The following PDZD2 variants were observed in gnomAD, a reference collection of about 807,000 sequenced individuals.
The protein encoded by PDZD2 is PDZ domain-containing protein 2.
Under a neutral mutation model 220.7 loss-of-function variants are expected in PDZD2, and 90 were observed. The ratio of observed to expected loss-of-function variants is 0.41; its 90% CI spans 0.34 to 0.49. PDZD2 has a LOEUF of 0.49. Ranked by LOEUF, PDZD2 falls within the 20% of genes least tolerant of loss-of-function variation. The pLI is 0.28. For missense variants in PDZD2, 3,174 were observed against 3,608.5 expected (o/e 0.88, Z 3.08); for synonymous variants, 1,375 against 1,450.5 (o/e 0.95, Z 1.18).
At chr5:31,849,950 A>ACACACACG (rs1757872249) in intron 2 of PDZD2, among the ~76,000 whole-genome samples, 1 of 24,088 alleles carries the variant, frequency 4.2e-5, no homozygotes, top group Non-Finnish European at 6.4e-5. Flanking sequence ...ATATATATAC[A>ACACACACG]TATATATATA....
intron 2 of PDZD2, among the ~76,000 whole-genome samples, chr5:31,946,551 G>A (rs1313093820): frequency 6.6e-6 from 1 of 152,172 alleles, no homozygotes; most frequent in Non-Finnish European, 1.5e-5. Flanking sequence ...TGGCACTGCT[G>A]TCCTACCACC....
At chr5:31,721,818 A>G (rs1435630331) in intron 1 of PDZD2, among the ~76,000 whole-genome samples, 1 of 152,056 alleles carries the variant, frequency 6.6e-6, no homozygotes, top group African/African-American at 2.4e-5. Flanking sequence ...GAGGAGGCTG[A>G]GAATGAGGAT....
intron 1 of PDZD2, among the ~76,000 whole-genome samples, chr5:31,658,627 T>G (rs29750): frequency 1.3e-5 from 2 of 151,412 alleles, no homozygotes. Context: ...TTTTCACTTT[T>G]TTTTTTTTTT....
At chr5:32,041,982 G>A (rs1402482313) in intron 7 of PDZD2, among the ~76,000 whole-genome samples, 7 of 148,540 alleles carry the variant, frequency 4.7e-5, no homozygotes, top group East Asian at 2.0e-4. Flanking sequence ...TTGGGAGGCC[G>A]AGGTGGGCGG....
rs1375688425 is a variant in PDZD2, at chr5:31,689,330, C to CATATGCATATATATATATATATAT, written c.-361+49897_-361+49898insGCATATATATATATATATATATAT. ...ATACATACATATACACATATATATACATATACATATATATATATATATATT... is the reference window on the plus strand; with the variant it reads ...ATACATACATATACACATATATATACATATGCATATATATATATATATATATATACATATATATATATATATATT... On this transcript the variant is annotated intron_variant, in intron 1 of 24. Coordinates refer to ENST00000438447, the MANE Select transcript of PDZD2 (RefSeq NM_178140.4). Among the ~76,000 whole-genome samples the CATATGCATATATATATATATATAT allele has an allele frequency of 5.1e-4, 30 of 58,590 alleles. 1 individual carries two copies. The highest frequency in any genetic ancestry group is 2.7e-3 in the East Asian group (3 of 1,118). 38.4% of individuals were successfully genotyped at this position (58,590 alleles called of 152,430 possible).
At chr5:31,918,642 T>C (rs1271544926) in intron 2 of PDZD2, among the ~76,000 whole-genome samples, 1 of 152,202 alleles carries the variant, frequency 6.6e-6, no homozygotes, top group Admixed American at 6.5e-5. Context: ...ACAATTCTTT[T>C]ATCTTCCATT....
intron 1 of PDZD2, among the ~76,000 whole-genome samples, chr5:31,735,179 G>A (rs940757822): frequency 1.3e-5 from 2 of 152,194 alleles, no homozygotes; most frequent in Non-Finnish European, 2.9e-5. Context: ...GAGAGTGCAG[G>A]AGAAGGGGAG....
intron 1 of PDZD2, among the ~76,000 whole-genome samples, chr5:31,694,537 T>C (rs893015071): frequency 1.3e-5 from 2 of 152,136 alleles, no homozygotes; most frequent in Non-Finnish European, 2.9e-5. Context: ...CATTTTCTCG[T>C]GTTTTTGAAT....
intron 2 of PDZD2, among the ~76,000 whole-genome samples, chr5:31,927,278 A>G (rs769751831): frequency 2.0e-5 from 3 of 152,198 alleles, no homozygotes; most frequent in Admixed American, 2.0e-4. Flanking sequence ...GCATCATGGG[A>G]GAGAAAAAAA....
intron 24 of PDZD2, 79 bp downstream of exon 24, chr5:32,101,318 C>T: frequency 7.6e-7 from 1 of 1,318,710 alleles, no homozygotes; most frequent in East Asian, 2.4e-5. Flanking sequence ...AAATGCCTTC[C>T]ATTTAGAAAT....
chr5:31,719,827 G>A (rs253925), intron 1 of PDZD2, among the ~76,000 whole-genome samples: 1 of 151,996 alleles, frequency 6.6e-6, no homozygotes, highest in Non-Finnish European at 1.5e-5. Context: ...ACTAGTGATA[G>A]AGAAGTAAAT....
intron 2 of PDZD2, among the ~76,000 whole-genome samples, chr5:31,941,826 A>G (rs1746239070): frequency 1.3e-5 from 2 of 152,372 alleles, no homozygotes; most frequent in East Asian, 1.9e-4. Flanking sequence ...GGATTCAGCC[A>G]TTTCAGTAGA....
intron 1 of PDZD2, among the ~76,000 whole-genome samples, chr5:31,789,426 T>C (rs1349098115): frequency 6.6e-6 from 1 of 152,180 alleles, no homozygotes; most frequent in Non-Finnish European, 1.5e-5. Flanking sequence ...AGTCCCCTTC[T>C]TTGGTTACTG....
At chr5:32,050,879 A>T (rs891586494) in intron 8 of PDZD2, among the ~76,000 whole-genome samples, 1 of 152,180 alleles carries the variant, frequency 6.6e-6, no homozygotes, top group African/African-American at 2.4e-5. Flanking sequence ...TCTCCAGTAA[A>T]ACTTTCAGCA....
chr5:31,880,998 C>T (rs1326821483), intron 2 of PDZD2, among the ~76,000 whole-genome samples: 1 of 151,508 alleles, frequency 6.6e-6, no homozygotes, highest in African/African-American at 2.4e-5. Flanking sequence ...GACGGGGTTT[C>T]ACCACGTTGG....
intron 1 of PDZD2, among the ~76,000 whole-genome samples, chr5:31,775,499 C>G (rs1165275038): frequency 6.6e-6 from 1 of 152,120 alleles, no homozygotes; most frequent in Non-Finnish European, 1.5e-5. Context: ...TTTCCCTTGG[C>G]CTTTCTGATG....
chr5:31,677,676 G>A (rs187511007), intron 1 of PDZD2, among the ~76,000 whole-genome samples: 1,575 of 152,006 alleles, frequency 0.01, 13 homozygotes, highest in Non-Finnish European at 0.018. Flanking sequence ...GTACTATTTA[G>A]TGATAAAAAG....
At chr5:31,706,677 C>G (rs1321341980) in intron 1 of PDZD2, among the ~76,000 whole-genome samples, 1 of 152,090 alleles carries the variant, frequency 6.6e-6, no homozygotes, top group African/African-American at 2.4e-5. Context: ...AACCCCGTCT[C>G]TATTACAAAT....
intron 3 of PDZD2, among the ~76,000 whole-genome samples, chr5:31,989,563 T>G (rs995362824): frequency 5.3e-5 from 8 of 151,734 alleles, no homozygotes; most frequent in African/African-American, 1.9e-4. Flanking sequence ...GCTGGGACTA[T>G]AGGCACACGC....
Sources: gnomAD v4.1 joint callset for allele counts (sites outside exome capture counted in the v4.1 genomes callset) on GRCh38, gnomAD v4.1.1 for gene constraint, MANE v1.5 for transcripts, NCBI Gene and HGNC (gene_info 2026-07-23, HGNC 2026-07-21) for gene names.